Variants in FRMD5 observed in about 807,000 individuals in gnomAD.
FRMD5 encodes FERM domain containing 5, also known as FERM domain-containing protein 5.
A neutral mutation model predicts 69.0 loss-of-function variants in FRMD5; 20 were observed. The observed-to-expected ratio is 0.29, with a 90% CI of 0.20 to 0.42. The LOEUF (loss-of-function observed/expected upper bound fraction) is 0.42. FRMD5 is among the 10% of genes least tolerant of loss of function. The pLI is 1.00. For missense variants in FRMD5, 595 were observed against 708.6 expected, an observed-to-expected ratio of 0.84 and a Z score of 1.82; for synonymous variants, 271 against 260.1, an observed-to-expected ratio of 1.04 and a Z score of -0.40.
At chr15:43,945,718 C>T (rs1357912283) in intron 1 of FRMD5, among the ~76,000 whole-genome samples, 1 of 152,120 alleles carries the variant, frequency 6.6e-6, no homozygotes, top group Non-Finnish European at 1.5e-5. Context: ...GACGGGAGGG[C>T]ACATTGCACC....
chr15:43,874,048 A>G lies in FRMD5; in HGVS notation c.1550T>C (p.Leu517Pro), dbSNP rs748497726. Residue 517 changes from leucine to proline, a missense_variant, in exon 14 of 14, where the codon CTC becomes CCC. Physicochemically the swap from Leu to Pro is moderately conservative, Grantham distance 98 (BLOSUM62 -3). Coordinates refer to ENST00000417257, the MANE Select transcript of FRMD5 (RefSeq NM_032892.5). The part of the protein sequence containing the change: ...VTMGLLFVLL[L>P]LLIILTESDL... ...AGACTCGGTAAGGATGATCAGGAGG[A>G]GGAGCAAAACAAAGAGGAGTCCCAT... The G allele has an allele frequency of 1.2e-6, 2 of 1,614,260 alleles. No homozygotes were observed. The highest frequency in any genetic ancestry group is 1.7e-6 in the Non-Finnish European group (2 of 1,180,042).
At chr15:43,988,462 A>G (rs902755491) in intron 1 of FRMD5, among the ~76,000 whole-genome samples, 22 of 143,682 alleles carry the variant, frequency 1.5e-4, no homozygotes, top group African/African-American at 5.8e-4. Context: ...TAGTGGAAAC[A>G]TAAGTGTTTT....
At chr15:43,984,014 G>C (rs1439056024) in intron 1 of FRMD5, among the ~76,000 whole-genome samples, 1 of 152,214 alleles carries the variant, frequency 6.6e-6, no homozygotes, top group Non-Finnish European at 1.5e-5. Context: ...TGTGACAGGT[G>C]AACTCAGGGA....
chr15:44,099,128 T>C (rs2076599576), intron 1 of FRMD5, among the ~76,000 whole-genome samples: 1 of 152,192 alleles, frequency 6.6e-6, no homozygotes, highest in African/African-American at 2.4e-5. Flanking sequence ...CACATCAATA[T>C]GTTGTAGTTC....
chr15:44,110,859 TATA>T (rs2076786600), intron 1 of FRMD5, among the ~76,000 whole-genome samples: 1 of 152,360 alleles, frequency 6.6e-6, no homozygotes, highest in Admixed American at 6.5e-5. Flanking sequence ...TGAGAAAATG[TATA>T]ATCTTTGAAA....
At chr15:44,092,008 T>C (rs570638118) in intron 1 of FRMD5, among the ~76,000 whole-genome samples, 8 of 152,144 alleles carry the variant, frequency 5.3e-5, no homozygotes, top group Non-Finnish European at 7.4e-5. Flanking sequence ...GAAGCAGACT[T>C]TGAAGTATTT....
intron 1 of FRMD5, among the ~76,000 whole-genome samples, chr15:44,187,519 A>G (rs1043217180): frequency 1.3e-5 from 2 of 151,946 alleles, no homozygotes; most frequent in Non-Finnish European, 2.9e-5. Flanking sequence ...CTGTTAACTC[A>G]GCCTCTAATG....
chr15:44,170,654 G>A (rs1027953620), intron 1 of FRMD5, among the ~76,000 whole-genome samples: 5 of 151,968 alleles, frequency 3.3e-5, no homozygotes, highest in Non-Finnish European at 7.4e-5. Flanking sequence ...CCCCAACAGT[G>A]TTCCTAGGCC....
intron 1 of FRMD5, among the ~76,000 whole-genome samples, chr15:44,166,373 T>G (rs1273633474): frequency 6.6e-6 from 1 of 152,228 alleles, no homozygotes; most frequent in African/African-American, 2.4e-5. Flanking sequence ...CCTAAATTTT[T>G]ACTCACTTTC....
chr15:43,873,036 G>T lies in FRMD5; in HGVS notation c.*849C>A. 1.4e-6 allele frequency: 1 copy of T among 703,308 alleles called. No homozygotes were observed. Among genetic ancestry groups the T allele is most frequent in the Non-Finnish European group, 2.4e-6 (1 of 416,956 alleles). 43.6% of individuals were successfully genotyped at this position (703,308 alleles called of 1,614,324 possible). A position where few individuals can be genotyped will look rare whatever the true frequency, so the allele number is the denominator to read the frequency against. On this transcript the variant is annotated 3_prime_UTR_variant, in exon 14 of 14. Coordinates refer to ENST00000417257, the MANE Select transcript of FRMD5 (RefSeq NM_032892.5). ...AGAACTATCTATCTCTGGTACCACT[G>T]AATTCGTTTAACGCCCCTGGAGCAC...
intron 7 of FRMD5, among the ~76,000 whole-genome samples, chr15:43,897,736 T>G (rs2088948607): frequency 6.6e-6 from 1 of 152,134 alleles, no homozygotes; most frequent in Non-Finnish European, 1.5e-5. Flanking sequence ...TTTTATAGGA[T>G]GATGATATGG....
chr15:43,879,660 C>T, intron 13 of FRMD5: 1 of 399,136 alleles, frequency 2.5e-6, no homozygotes, highest in Non-Finnish European at 4.4e-6. Context: ...CTTAATCAGA[C>T]TCTTCCCCAT....
chr15:44,184,290 G>T (rs919094159), intron 1 of FRMD5, among the ~76,000 whole-genome samples: 1 of 152,136 alleles, frequency 6.6e-6, no homozygotes, highest in Admixed American at 6.6e-5. Flanking sequence ...AATCCATTAA[G>T]AAATTATTAC....
intron 1 of FRMD5, among the ~76,000 whole-genome samples, chr15:43,945,755 C>T (rs1327719940): frequency 6.6e-6 from 1 of 152,124 alleles, no homozygotes; most frequent in African/African-American, 2.4e-5. Flanking sequence ...TGCCCCCTGC[C>T]CCCCAGATCT....
At chr15:44,129,419 TG>T (rs1436040905) in intron 1 of FRMD5, among the ~76,000 whole-genome samples, 1 of 152,250 alleles carries the variant, frequency 6.6e-6, no homozygotes, top group Non-Finnish European at 1.5e-5. Context: ...CCCAGGGCTA[TG>T]GAACTGTAAC....
intron 11 of FRMD5, 28 bp from the exon 12 acceptor site, chr15:43,884,823 G>T (rs2088624883): frequency 6.9e-6 from 11 of 1,596,206 alleles, no homozygotes; most frequent in African/African-American, 1.3e-5. Flanking sequence ...AAAACAAGCA[G>T]CAAGAAATGA....
chr15:44,115,932 T>C (rs748146509), intron 1 of FRMD5, among the ~76,000 whole-genome samples: 5 of 152,208 alleles, frequency 3.3e-5, no homozygotes, highest in Non-Finnish European at 5.9e-5. Flanking sequence ...GCAGGTCCTT[T>C]CTTTCTCTGG....
chr15:43,989,040 C>G (rs974630784), intron 1 of FRMD5: 6 of 830,740 alleles, frequency 7.2e-6, no homozygotes, highest in Non-Finnish European at 1.0e-5. Flanking sequence ...AAGGGTGTAA[C>G]GCAACTAAGT....
chr15:43,952,131 G>T (rs572019724), intron 1 of FRMD5, among the ~76,000 whole-genome samples: 1 of 151,734 alleles, frequency 6.6e-6, no homozygotes, highest in Non-Finnish European at 1.5e-5. Context: ...AACAAACAAC[G>T]ATCTGCTCAG....
Sources: allele counts gnomAD v4.1 joint callset (sites outside exome capture counted in the v4.1 genomes callset), GRCh38; gene constraint gnomAD v4.1.1; transcripts MANE v1.5; gene names NCBI Gene and HGNC (gene_info 2026-07-23, HGNC 2026-07-21).